Variants in DNAH14 observed in about 807,000 individuals in gnomAD.
DNAH14 encodes the protein axonemal beta dynein heavy chain 14.
Under a neutral mutation model 520.9 loss-of-function variants are expected in DNAH14, and 478 were observed. The observed-to-expected ratio is 0.92, with a 90% CI of 0.85 to 0.99. The LOEUF (loss-of-function observed/expected upper bound fraction) is 0.99. DNAH14 is among the 50% of genes least tolerant of loss of function. DNAH14 has a pLI of 0.00. For synonymous variants in DNAH14, 1,581 were observed against 1,757.2 expected (o/e 0.90, Z 2.51); for missense variants, 4,831 against 5,234.5 (o/e 0.92, Z 2.38).
intron 27 of DNAH14, 126 bp from the exon 28 acceptor site, chr1:225,140,642 C>T: frequency 1.3e-6 from 1 of 781,104 alleles, no homozygotes. Context: ...AGGTCTCTTA[C>T]ACAAACACTT....
intron 8 of DNAH14, among the ~76,000 whole-genome samples, chr1:224,993,921 T>A (rs1206256134): frequency 6.6e-6 from 1 of 152,112 alleles, no homozygotes; most frequent in Admixed American, 6.5e-5. Context: ...ATTTCATTTT[T>A]AATTTCTTCA....
chr1:225,379,287 A>T (rs2095749348), intron 79 of DNAH14, among the ~76,000 whole-genome samples: 1 of 152,240 alleles, frequency 6.6e-6, no homozygotes, highest in East Asian at 1.9e-4. Flanking sequence ...AAGAAATCCT[A>T]AAAAAGCTTT....
chr1:225,066,257 C>T lies in DNAH14; in HGVS notation c.2425-12950C>T, dbSNP rs540462515. Reference sequence around the variant, plus strand: ...ATCCCCTTATCAGATGTATAGCTTGCAAAATATTTTCTCCAAATTCATAGG... The same window carrying T: ...ATCCCCTTATCAGATGTATAGCTTGTAAAATATTTTCTCCAAATTCATAGG... On this transcript the variant is annotated intron_variant, in intron 17 of 85. Transcript: ENST00000682510. Among the ~76,000 whole-genome samples, 71 of 152,072 alleles carry T rather than the reference C, an allele frequency of 4.7e-4. 1 individual carries two copies. In the South Asian group the frequency reaches 0.014, roughly 31 times the overall value.
At chr1:225,246,478 A>C (rs1423456213) in intron 43 of DNAH14, among the ~76,000 whole-genome samples, 2 of 152,202 alleles carry the variant, frequency 1.3e-5, no homozygotes, top group Admixed American at 6.5e-5. Flanking sequence ...CGATCTATCC[A>C]TCTGATAAGG....
intron 60 of DNAH14, among the ~76,000 whole-genome samples, chr1:225,316,375 G>C (rs2150164894): frequency 6.6e-6 from 1 of 152,262 alleles, no homozygotes; most frequent in Non-Finnish European, 1.5e-5. Context: ...CTGTCTTGCT[G>C]GCATTCCAGG....
At chr1:224,984,876 A>C (rs1467164940) in intron 8 of DNAH14, among the ~76,000 whole-genome samples, 1 of 152,214 alleles carries the variant, frequency 6.6e-6, no homozygotes, top group East Asian at 1.9e-4. Flanking sequence ...AATGCTCAAC[A>C]TCACTAATGA....
At chr1:225,212,372 G>C (rs935183655) in intron 41 of DNAH14, among the ~76,000 whole-genome samples, 4 of 152,150 alleles carry the variant, frequency 2.6e-5, no homozygotes, top group African/African-American at 9.7e-5. Flanking sequence ...ACATACGTGT[G>C]CATGTGTCTT....
At chr1:225,092,818 C>T (rs1360691840) in intron 21 of DNAH14, among the ~76,000 whole-genome samples, 2 of 151,966 alleles carry the variant, frequency 1.3e-5, no homozygotes, top group East Asian at 3.9e-4. Context: ...CAAATAAACG[C>T]AATTATAAAT....
chr1:225,225,992 T>C (rs1007051065), intron 41 of DNAH14, among the ~76,000 whole-genome samples: 4 of 152,190 alleles, frequency 2.6e-5, no homozygotes, highest in African/African-American at 9.7e-5. Context: ...GGAGGCTGAG[T>C]GAATCCTGCT....
intron 81 of DNAH14, among the ~76,000 whole-genome samples, chr1:225,387,385 T>TAATA (rs112419260): frequency 0.02 from 3,030 of 151,792 alleles, 63 homozygotes; most frequent in East Asian, 0.055. Flanking sequence ...TAAAGTATAA[T>TAATA]AATAAATAAA....
intron 22 of DNAH14, among the ~76,000 whole-genome samples, chr1:225,099,013 TTAA>T (rs1553445770): frequency 6.6e-6 from 1 of 152,102 alleles, no homozygotes; most frequent in Non-Finnish European, 1.5e-5. Flanking sequence ...AAGAGATTCA[TTAA>T]AGGGGCAGAC....
chr1:225,037,548 T>A (rs1362154150), intron 11 of DNAH14, among the ~76,000 whole-genome samples: 1 of 152,190 alleles, frequency 6.6e-6, no homozygotes, highest in Non-Finnish European at 1.5e-5. Context: ...GCTTCTTAAC[T>A]TTTATTGTTT....
rs1304177898 is a variant in DNAH14 at position 224,983,714 on chromosome 1, A to G, written c.830+9561A>G. On this transcript the variant is annotated intron_variant, in intron 8 of 85. Coordinates refer to ENST00000682510, the MANE Select transcript of DNAH14 (RefSeq NM_001367479.1). ...ATTCAGCAAAGTTTCCAGATACAAT[A>G]TTAATGTACACAAATCAGTAGCTCT... Among the ~76,000 whole-genome samples the G allele has an allele frequency of 3.9e-5, 6 of 152,198 alleles. No homozygotes were observed. In the South Asian group the frequency reaches 1.0e-3, roughly 26 times the overall value.
chr1:225,330,454 A>G (rs1198675176), intron 64 of DNAH14, among the ~76,000 whole-genome samples: 1 of 152,250 alleles, frequency 6.6e-6, no homozygotes, highest in Non-Finnish European at 1.5e-5. Flanking sequence ...ACTTATACAC[A>G]GTGGAGTATT....
intron 60 of DNAH14, among the ~76,000 whole-genome samples, chr1:225,310,333 A>G (rs1178103846): frequency 6.6e-6 from 1 of 152,200 alleles, no homozygotes; most frequent in Non-Finnish European, 1.5e-5. Flanking sequence ...GAAACTAAAT[A>G]TGTACTTAGA....
intron 43 of DNAH14, chr1:225,250,832 T>C (rs2092515176): frequency 2.3e-6 from 1 of 426,392 alleles, no homozygotes; most frequent in Non-Finnish European, 4.3e-6. Context: ...GGCTATCTGG[T>C]ACCTGGCTTT....
chr1:225,235,814 G>T (rs1031309589), intron 42 of DNAH14, among the ~76,000 whole-genome samples: 1 of 152,150 alleles, frequency 6.6e-6, no homozygotes. Context: ...AGATTTTCTA[G>T]TTTATGTTCA....
chr1:225,076,597 T>C (rs1434061076), intron 17 of DNAH14, among the ~76,000 whole-genome samples: 1 of 152,170 alleles, frequency 6.6e-6, no homozygotes, highest in African/African-American at 2.4e-5. Context: ...ACCCACATAG[T>C]GACACTATGA....
At chr1:225,083,399 A>T (rs978702702) in intron 20 of DNAH14, among the ~76,000 whole-genome samples, 2 of 152,164 alleles carry the variant, frequency 1.3e-5, no homozygotes, top group Non-Finnish European at 1.5e-5. Context: ...ATTTAAAAAG[A>T]ATTTTTTAAA....
Sources: allele counts gnomAD v4.1 joint callset (sites outside exome capture counted in the v4.1 genomes callset), GRCh38; gene constraint gnomAD v4.1.1; transcripts MANE v1.5; gene names NCBI Gene and HGNC (gene_info 2026-07-23, HGNC 2026-07-21).